Variants in SLC4A4 observed in about 807,000 individuals in gnomAD.
The protein encoded by SLC4A4 is electrogenic sodium bicarbonate cotransporter 1.
A neutral mutation model predicts 111.5 loss-of-function variants in SLC4A4; 27 were observed. The ratio of observed to expected loss-of-function variants is 0.24; its 90% confidence interval spans 0.18 to 0.33. SLC4A4 has a LOEUF of 0.33. SLC4A4 is among the 10% of genes least tolerant of loss of function. SLC4A4 has a pLI of 1.00. For synonymous variants in SLC4A4, 443 were observed against 463.4 expected, an observed-to-expected ratio of 0.96 and a Z score of 0.57; for missense variants, 909 against 1,315.5, an observed-to-expected ratio of 0.69 and a Z score of 4.78.
intron 2 of SLC4A4, among the ~76,000 whole-genome samples, chr4:71,251,175 G>T (rs1721048669): frequency 6.6e-6 from 1 of 152,176 alleles, no homozygotes; most frequent in Non-Finnish European, 1.5e-5. Flanking sequence ...TGGCTTGAAG[G>T]TTTTCATACT....
At chr4:71,151,783 G>A (rs753984536) in intron 2 of SLC4A4, among the ~76,000 whole-genome samples, 8 of 151,384 alleles carry the variant, frequency 5.3e-5, no homozygotes, top group East Asian at 2.0e-4. Flanking sequence ...AATTAAGGCC[G>A]GGCACGGTGA....
intron 1 of SLC4A4, among the ~76,000 whole-genome samples, chr4:71,214,269 G>A (rs200001433): frequency 2.0e-5 from 3 of 152,132 alleles, no homozygotes; most frequent in Non-Finnish European, 4.4e-5. Flanking sequence ...CTAGGATGAC[G>A]CTGGCTAATG....
At chr4:71,564,078 A>G (rs1200714226) in intron 24 of SLC4A4, among the ~76,000 whole-genome samples, 189 bp downstream of exon 24, 1 of 151,830 alleles carries the variant, frequency 6.6e-6, no homozygotes, top group Non-Finnish European at 1.5e-5. Context: ...CCTTTTATCC[A>G]TAAACTTTTA....
chr4:71,116,034 A>G lies in SLC4A4; in HGVS notation c.-2+23242A>G, dbSNP rs897794845. 2.6e-5 allele frequency among the ~76,000 whole-genome samples: 4 copies of G among 152,154 alleles called. No homozygotes were observed. In the East Asian group the frequency reaches 5.8e-4, roughly 22 times the overall value. Reference sequence around the variant, plus strand: ...CTCAGCCTCCTGAGTAGCTGGGTCTACAGGCACACACCACGACGCCTGGCT... The same window carrying G: ...CTCAGCCTCCTGAGTAGCTGGGTCTGCAGGCACACACCACGACGCCTGGCT... On this transcript the variant is annotated intron_variant, in intron 2 of 26. Coordinates refer to the SLC4A4 transcript ENST00000649996.
chr4:71,216,327 CT>C (rs1718430804), intron 1 of SLC4A4, among the ~76,000 whole-genome samples: 1 of 151,982 alleles, frequency 6.6e-6, no homozygotes, highest in African/African-American at 2.4e-5. Context: ...TTTAATGTTT[CT>C]TTTATTCTGA....
intron 3 of SLC4A4, among the ~76,000 whole-genome samples, chr4:71,306,298 A>T (rs1725678901): frequency 6.6e-6 from 1 of 151,604 alleles, no homozygotes; most frequent in South Asian, 2.1e-4. Flanking sequence ...AAATGGGATA[A>T]TAGGCTGGGC....
At chr4:71,484,026 T>G in intron 14 of SLC4A4, among the ~76,000 whole-genome samples, 1 of 151,876 alleles carries the variant, frequency 6.6e-6, no homozygotes, top group Non-Finnish European at 1.5e-5. Context: ...AGGGCTGGTT[T>G]TTTTTCTTGT....
chr4:71,086,853 G>C (rs560165771), intron 1 of SLC4A4, among the ~76,000 whole-genome samples: 20 of 152,076 alleles, frequency 1.3e-4, no homozygotes, highest in African/African-American at 4.6e-4. Flanking sequence ...CAGGGATATT[G>C]GTCTAAAATT....
chr4:71,120,225 G>A (rs980710777), intron 2 of SLC4A4, among the ~76,000 whole-genome samples: 18 of 152,236 alleles, frequency 1.2e-4, no homozygotes, highest in Admixed American at 1.3e-4. Context: ...TTAAGGTGCC[G>A]CCTCTAGAGA....
At chr4:71,070,698 T>G (rs760039785) in intron 1 of SLC4A4, among the ~76,000 whole-genome samples, 1 of 152,198 alleles carries the variant, frequency 6.6e-6, no homozygotes, top group African/African-American at 2.4e-5. Flanking sequence ...CTGGTTTGAA[T>G]GTAAAACAAT....
chr4:71,194,912 A>G (rs985067098), intron 1 of SLC4A4, among the ~76,000 whole-genome samples: 1 of 152,200 alleles, frequency 6.6e-6, no homozygotes, highest in Non-Finnish European at 1.5e-5. Context: ...TATGAAAGCA[A>G]ACAACATACA....
intron 2 of SLC4A4, among the ~76,000 whole-genome samples, chr4:71,099,722 C>T (rs891657903): frequency 1.3e-5 from 2 of 151,914 alleles, no homozygotes; most frequent in East Asian, 1.9e-4. Flanking sequence ...AAAAGAGAGA[C>T]GATCCAAATA....
chr4:71,507,691 G>T (rs564561360), intron 16 of SLC4A4, among the ~76,000 whole-genome samples: 2 of 152,256 alleles, frequency 1.3e-5, no homozygotes, highest in South Asian at 4.1e-4. Context: ...CATCAAGAGA[G>T]AAAATTAACA....
chr4:71,267,270 T>C (rs183995079), intron 3 of SLC4A4, among the ~76,000 whole-genome samples: 1 of 152,138 alleles, frequency 6.6e-6, no homozygotes, highest in Admixed American at 6.5e-5. Context: ...AAAAGGTAGG[T>C]TCTGATCAAG....
chr4:71,173,882 A>T (rs1745011906), intron 2 of SLC4A4, among the ~76,000 whole-genome samples: 1 of 152,228 alleles, frequency 6.6e-6, no homozygotes, highest in Non-Finnish European at 1.5e-5. Flanking sequence ...ACAAGAAAGA[A>T]AGTGATACCA....
At chr4:71,205,062 G>A (rs538367973) in intron 1 of SLC4A4, among the ~76,000 whole-genome samples, 1 of 152,264 alleles carries the variant, frequency 6.6e-6, no homozygotes, top group Admixed American at 6.5e-5. Flanking sequence ...AAGGTAGGTG[G>A]TGACTGTCCT....
chr4:71,336,875 G>A (rs936141588), intron 3 of SLC4A4, among the ~76,000 whole-genome samples: 2 of 152,202 alleles, frequency 1.3e-5, no homozygotes, highest in Non-Finnish European at 2.9e-5. Context: ...CTCCATTTAC[G>A]TTTGATACAA....
At chr4:71,332,716 G>A (rs1339094885) in intron 3 of SLC4A4, among the ~76,000 whole-genome samples, 2 of 152,230 alleles carry the variant, frequency 1.3e-5, no homozygotes, top group Non-Finnish European at 2.9e-5. Context: ...ACAGGCGTGA[G>A]CCACCGCGCC....
intron 12 of SLC4A4, among the ~76,000 whole-genome samples, chr4:71,457,592 T>A (rs1479711774): frequency 1.3e-5 from 2 of 152,222 alleles, no homozygotes; most frequent in East Asian, 1.9e-4. Flanking sequence ...CTGAGAATTA[T>A]GTGACATTCT....
Sources: gnomAD v4.1 joint callset for allele counts (sites outside exome capture counted in the v4.1 genomes callset) on GRCh38, gnomAD v4.1.1 for gene constraint, MANE v1.5 for transcripts, NCBI Gene and HGNC (gene_info 2026-07-23, HGNC 2026-07-21) for gene names.